Variants in FREM1 observed in about 807,000 individuals in gnomAD.
FREM1 encodes FRAS1-related extracellular matrix protein 1.
Under a neutral mutation model 210.1 loss-of-function variants are expected in FREM1, and 220 were observed. The ratio of observed to expected loss-of-function variants is 1.05; its 90% confidence interval spans 0.94 to 1.17. FREM1 has a LOEUF of 1.17. FREM1 is among the 50% of genes most tolerant of loss of function. The pLI, the probability that FREM1 is intolerant of heterozygous loss-of-function variation, is 0.00. For synonymous variants in FREM1, 1,189 were observed against 980.2 expected, an observed-to-expected ratio of 1.21 and a Z score of -3.98; for missense variants, 3,454 against 2,675.5, an observed-to-expected ratio of 1.29 and a Z score of -6.42.
chr9:14,823,385 T>C, intron 12 of FREM1, 58 bp from the exon 13 acceptor site: 1 of 1,483,066 alleles, frequency 6.7e-7, no homozygotes, highest in Non-Finnish European at 9.2e-7. Context: ...CAAAAGCTTT[T>C]AGAGGTCCAA....
At chr9:14,808,343 TG>T (rs1307769844) in intron 16 of FREM1, among the ~76,000 whole-genome samples, 1 of 152,198 alleles carries the variant, frequency 6.6e-6, no homozygotes, top group Non-Finnish European at 1.5e-5. Context: ...TTGCCTCTGG[TG>T]AACTCCCTAC....
intron 23 of FREM1, among the ~76,000 whole-genome samples, chr9:14,787,261 TAAAACAAAACAAAAC>T (rs145291967): frequency 1.3e-5 from 2 of 151,560 alleles, no homozygotes; most frequent in Non-Finnish European, 2.9e-5. Context: ...TCATGTTAAG[TAAAACAAAACAAAAC>T]AAAACAAAAC....
intron 1 of FREM1, among the ~76,000 whole-genome samples, chr9:14,875,157 C>G (rs970437228): frequency 6.6e-6 from 1 of 152,146 alleles, no homozygotes; most frequent in Non-Finnish European, 1.5e-5. Flanking sequence ...TGGAGTTGCT[C>G]TTCTCGAGGA....
chr9:14,857,573 T>C lies in FREM1; in HGVS notation c.808A>G (p.Arg270Gly). The change falls in exon 5 of 37, where the codon AGG (arginine) becomes GGG (glycine). Residue 270 changes from arginine to glycine, a missense_variant. By Grantham distance (125) the Arg-to-Gly change is moderately radical. Coordinates refer to ENST00000380880, the MANE Select transcript of FREM1 (RefSeq NM_001379081.2). The stretch of plus-strand genomic sequence containing the variant: ...TCTACCTTGTACACAATTTTGCTCC[T>C]GGTATCTGTGAGGTCCAGTTGGATG... ...ISIQLDLTDT[R>G]SKIVYKSESA... The C allele has an allele frequency of 3.7e-6, 6 of 1,613,650 alleles. No individual in the cohort carries two copies. The highest frequency in any genetic ancestry group is 5.1e-6 in the Non-Finnish European group (6 of 1,179,814).
intron 15 of FREM1, among the ~76,000 whole-genome samples, chr9:14,815,607 C>A (rs1257391828): frequency 2.0e-5 from 3 of 152,172 alleles, no homozygotes; most frequent in African/African-American, 7.2e-5. Flanking sequence ...TGCCACTCAA[C>A]AAAGAAATTC....
intron 1 of FREM1, among the ~76,000 whole-genome samples, chr9:14,876,459 C>T (rs568687836): frequency 6.6e-5 from 10 of 152,284 alleles, no homozygotes; most frequent in African/African-American, 1.7e-4. Flanking sequence ...AGTGAGACTC[C>T]GTGGGCGTAG....
At chr9:14,776,319 T>A in intron 24 of FREM1, 116 bp from the exon 25 acceptor site, 2 of 1,238,022 alleles carry the variant, frequency 1.6e-6, no homozygotes, top group East Asian at 2.6e-5. Flanking sequence ...GTGACTCAAA[T>A]GAAAAATCAA....
chr9:14,853,300 G>C (rs1230249316), intron 5 of FREM1, among the ~76,000 whole-genome samples: 1 of 152,198 alleles, frequency 6.6e-6, no homozygotes, highest in Non-Finnish European at 1.5e-5. Context: ...CTAGTGGGCA[G>C]AGGGCTGGTC....
chr9:14,906,433 A>G (rs964082604), intron 1 of FREM1, among the ~76,000 whole-genome samples: 1 of 152,242 alleles, frequency 6.6e-6, no homozygotes, highest in Non-Finnish European at 1.5e-5. Flanking sequence ...ACATTTATGT[A>G]AAACAGAATT....
At chr9:14,762,544 T>C (rs904646337) in intron 27 of FREM1, among the ~76,000 whole-genome samples, 32 of 152,182 alleles carry the variant, frequency 2.1e-4, no homozygotes, top group African/African-American at 6.5e-4. Context: ...ATTTCCCTGA[T>C]GCACCATTTG....
chr9:14,837,142 A>G (rs1412522486), intron 10 of FREM1, among the ~76,000 whole-genome samples: 2 of 152,166 alleles, frequency 1.3e-5, no homozygotes, highest in African/African-American at 4.8e-5. Context: ...CCACATGTGT[A>G]GAAATCAGGG....
intron 28 of FREM1, among the ~76,000 whole-genome samples, chr9:14,757,943 T>C (rs925853032): frequency 1.4e-4 from 22 of 152,226 alleles, no homozygotes; most frequent in Non-Finnish European, 1.3e-4. Context: ...ATCCACCATA[T>C]GCTGGAAGTT....
chr9:14,817,174 T>C (rs1007778571), intron 14 of FREM1, among the ~76,000 whole-genome samples: 1 of 152,224 alleles, frequency 6.6e-6, no homozygotes, highest in Non-Finnish European at 1.5e-5. Flanking sequence ...TATAGGTCTG[T>C]ACGCTTGCAG....
At chr9:14,899,415 G>T (rs576106631) in intron 1 of FREM1, among the ~76,000 whole-genome samples, 16 of 152,200 alleles carry the variant, frequency 1.1e-4, no homozygotes, top group African/African-American at 3.6e-4. Flanking sequence ...CAGGTGGGAG[G>T]GTGTTCTCAG....
chr9:14,759,955 G>A (rs965248271), intron 27 of FREM1, 54 bp from the exon 28 acceptor site: 34 of 1,461,210 alleles, frequency 2.3e-5, no homozygotes, highest in African/African-American at 5.6e-5. Context: ...ATGCCTATAG[G>A]GATTCTCTGC....
In FREM1 at chr9:14,816,816, C is replaced by T. The variant is rs775029479; in HGVS notation, c.2602G>A (p.Asp868Asn). Residue 868 changes from aspartate (D) to asparagine (N), a missense_variant, in exon 15 of 37, where the codon GAT becomes AAT. Transcript: ENST00000380880. ...ACAAATTCTGCTGAATTTGTGCCAT[C>T]GGTGACCTCCAAGAGTAGGTCATCC... The part of the protein sequence containing the change: ...LQDDLLLEVT[D>N]GTNSAEFVLH... 1.0e-5 allele frequency: 15 copies of T among 1,441,354 alleles called. No individual in the cohort carries two copies. Among genetic ancestry groups the T allele is most frequent in the East Asian group, 7.2e-5 (3 of 41,574 alleles). The allele number at this position is 1,441,354 out of a possible 1,614,324, so 89.3% of individuals were successfully genotyped here.
At chr9:14,786,420 T>A (rs188900335) in intron 23 of FREM1, among the ~76,000 whole-genome samples, 31 of 152,258 alleles carry the variant, frequency 2.0e-4, no homozygotes, top group Non-Finnish European at 2.5e-4. Context: ...GCCAAAAAAA[T>A]TTTTTTAAAG....
chr9:14,772,386 A>T (rs7852390), intron 25 of FREM1, among the ~76,000 whole-genome samples: 1 of 152,006 alleles, frequency 6.6e-6, no homozygotes, highest in East Asian at 1.9e-4. Flanking sequence ...GAATATGATT[A>T]GTTATCAAGA....
Position 14,756,387 on chromosome 9 carries a change from A to T in FREM1, c.5394T>A (p.Ile1798=). Residue 1798 remains isoleucine (I), a synonymous_variant, in exon 29 of 37, where the codon ATT becomes ATA. Coordinates refer to ENST00000380880, the MANE Select transcript of FREM1 (RefSeq NM_001379081.2). ...CACAAAATGTACCTGGGTCAAACTG[A>T]ATCAGTTTAGATGGAATCACGGTGA... is the stretch of plus-strand genomic sequence containing the variant. ...KDFTVIPSKL[I]QFDPGMSTKM... is the part of the protein sequence containing the mutation. The T allele has an allele frequency of 1.9e-6, 3 of 1,599,608 alleles. No individual in the cohort carries two copies. The highest frequency in any genetic ancestry group is 2.6e-6 in the Non-Finnish European group (3 of 1,172,744).
Sources: allele counts gnomAD v4.1 joint callset (sites outside exome capture counted in the v4.1 genomes callset), GRCh38; gene constraint gnomAD v4.1.1; transcripts MANE v1.5; gene names NCBI Gene and HGNC (gene_info 2026-07-23, HGNC 2026-07-21).